The following AGBL4 variants were observed in gnomAD, a reference collection of about 807,000 sequenced individuals.
The protein encoded by AGBL4 is cytosolic carboxypeptidase 6.
A neutral mutation model predicts 66.4 loss-of-function variants in AGBL4; 58 were observed. The ratio of observed to expected loss-of-function variants is 0.87; its 90% CI spans 0.71 to 1.09. The LOEUF is 1.09. Ranked by LOEUF, AGBL4 falls within the 50% of genes least tolerant of loss-of-function variation. The pLI is 0.00. For missense variants in AGBL4, 579 were observed against 631.0 expected (o/e 0.92, Z 0.88); for synonymous variants, 234 against 222.9 (o/e 1.05, Z -0.44).
At chr1:49,952,603 T>A (rs1376612864) in intron 1 of AGBL4, among the ~76,000 whole-genome samples, 4 of 151,908 alleles carry the variant, frequency 2.6e-5, no homozygotes, top group African/African-American at 9.7e-5. Context: ...CACCTCTGAC[T>A]CCAAAGCTCA....
intron 3 of AGBL4, among the ~76,000 whole-genome samples, chr1:49,398,073 G>T (rs1044596875): frequency 1.3e-5 from 2 of 152,156 alleles, no homozygotes; most frequent in African/African-American, 2.4e-5. Context: ...ACCAAAACCT[G>T]CTCTTCCTCA....
chr1:48,969,567 TC>T (rs1432844085), intron 5 of AGBL4, among the ~76,000 whole-genome samples: 2 of 151,740 alleles, frequency 1.3e-5, no homozygotes, highest in Admixed American at 1.3e-4. Flanking sequence ...ACTAAAGTGT[TC>T]CACTGTTAGT....
At chr1:48,772,502 G>C (rs962479944) in intron 6 of AGBL4, among the ~76,000 whole-genome samples, 2 of 152,156 alleles carry the variant, frequency 1.3e-5, no homozygotes, top group African/African-American at 2.4e-5. Context: ...GTTCACAGAA[G>C]AGTAAAAAAT....
intron 2 of AGBL4, among the ~76,000 whole-genome samples, chr1:49,812,232 G>A (rs542562523): frequency 6.6e-6 from 1 of 152,272 alleles, no homozygotes; most frequent in South Asian, 2.1e-4. Flanking sequence ...CTCTGGCTTA[G>A]TGCTAAAATT....
At chr1:48,572,077 AG>A (rs1644573856) in intron 11 of AGBL4, among the ~76,000 whole-genome samples, 1 of 152,160 alleles carries the variant, frequency 6.6e-6, no homozygotes, top group African/African-American at 2.4e-5. Flanking sequence ...GGGAAAGTGA[AG>A]GAGGGAGAGA....
chr1:49,756,601 A>G (rs1397862576), intron 2 of AGBL4, among the ~76,000 whole-genome samples: 6 of 152,182 alleles, frequency 3.9e-5, no homozygotes, highest in African/African-American at 1.4e-4. Context: ...AGTTCCCATA[A>G]TCCCCACATG....
At chr1:49,369,369 T>C (rs1372433583) in intron 3 of AGBL4, among the ~76,000 whole-genome samples, 2 of 152,148 alleles carry the variant, frequency 1.3e-5, no homozygotes, top group African/African-American at 4.8e-5. Context: ...CCAAACAGTG[T>C]AACAGGGAAT....
chr1:49,141,084 T>C (rs983623019), intron 4 of AGBL4, among the ~76,000 whole-genome samples: 2 of 152,176 alleles, frequency 1.3e-5, no homozygotes, highest in African/African-American at 2.4e-5. Context: ...GGAACATTAA[T>C]TGGTACTAAA....
rs571888716 is a variant in AGBL4 at position 48,950,241 on chromosome 1, C to T, written c.595-83011G>A. On this transcript the variant is annotated intron_variant, in intron 5 of 13. Coordinates refer to ENST00000371839, the MANE Select transcript of AGBL4 (RefSeq NM_032785.4). ...TCTCCTGAGTAGCTGGGGTTACAGG[C>T]GTGTGCCACCACACCTGGCTAACTT... is the stretch of plus-strand genomic sequence containing the variant. 5.3e-5 allele frequency among the ~76,000 whole-genome samples: 8 copies of T among 152,192 alleles called. No individual in the cohort carries two copies. The East Asian group carries it at 7.8e-4, about 15-fold the overall frequency.
intron 3 of AGBL4, among the ~76,000 whole-genome samples, chr1:49,368,747 A>T (rs1644286913): frequency 6.6e-6 from 1 of 152,188 alleles, no homozygotes; most frequent in Non-Finnish European, 1.5e-5. Flanking sequence ...TTTCACAGGT[A>T]GTATTATATT....
At chr1:49,398,334 TC>T (rs1645014865) in intron 3 of AGBL4, among the ~76,000 whole-genome samples, 1 of 8,526 alleles carries the variant, frequency 1.2e-4, no homozygotes, top group East Asian at 7.0e-4. Flanking sequence ...TCTCTCTCTT[TC>T]TCTCTCTCTC....
At chr1:49,833,778 G>T (rs914384667) in intron 2 of AGBL4, among the ~76,000 whole-genome samples, 3 of 152,116 alleles carry the variant, frequency 2.0e-5, no homozygotes, top group African/African-American at 7.2e-5. Context: ...GTTCACTCAT[G>T]ATTTGGCTCT....
chr1:49,163,531 C>G (rs1646577083), intron 4 of AGBL4, among the ~76,000 whole-genome samples: 1 of 152,210 alleles, frequency 6.6e-6, no homozygotes, highest in Non-Finnish European at 1.5e-5. Flanking sequence ...AATATCTTGT[C>G]TCTTTTGCTG....
At chr1:49,419,034 G>T (rs1335584342) in intron 3 of AGBL4, among the ~76,000 whole-genome samples, 1 of 152,078 alleles carries the variant, frequency 6.6e-6, no homozygotes, top group Non-Finnish European at 1.5e-5. Context: ...AATTAGGAAG[G>T]GAAAGGATGG....
At chr1:48,604,330 G>A (rs1307423908) in intron 9 of AGBL4, among the ~76,000 whole-genome samples, 1 of 152,114 alleles carries the variant, frequency 6.6e-6, no homozygotes, top group Non-Finnish European at 1.5e-5. Context: ...CATCTTATAA[G>A]TTTGAGCTGT....
chr1:49,823,778 A>ATGTGTGTGTGTGTGTGTGTGTGTG (rs10528873), intron 2 of AGBL4, among the ~76,000 whole-genome samples: 6 of 147,580 alleles, frequency 4.1e-5, no homozygotes, highest in African/African-American at 1.0e-4. Context: ...AGGCTGCATA[A>ATGTGTGTGTGTGTGTGTGTGTGTG]TGTGTGTGTG....
In AGBL4 at chr1:49,285,491, G is replaced by C. The variant is rs187235133; in HGVS notation, c.283-39627C>G. On this transcript the variant is annotated intron_variant, in intron 3 of 13. Transcript: ENST00000371839. Reference sequence around the variant, plus strand: ...AAAGCAAGAGCAAACACATTCAAAAGCTAGCAGAAGGCAAGAAATAACTAA... The same window carrying C: ...AAAGCAAGAGCAAACACATTCAAAACCTAGCAGAAGGCAAGAAATAACTAA... Among the ~76,000 whole-genome samples the C allele has an allele frequency of 4.7e-4, 71 of 152,128 alleles. 1 individual carries two copies. The highest frequency in any genetic ancestry group is 1.5e-3 in the African/African-American group (63 of 41,530).
At chr1:48,652,118 C>T (rs1645940240) in intron 8 of AGBL4, among the ~76,000 whole-genome samples, 1 of 152,256 alleles carries the variant, frequency 6.6e-6, no homozygotes, top group East Asian at 1.9e-4. Flanking sequence ...GGGAGGATCG[C>T]TTGAATCCAG....
chr1:48,615,591 G>A (rs1645305566), intron 9 of AGBL4, among the ~76,000 whole-genome samples: 1 of 152,148 alleles, frequency 6.6e-6, no homozygotes, highest in Non-Finnish European at 1.5e-5. Flanking sequence ...AAATTTCCAG[G>A]TAAGAAAATG....
Sources: allele counts gnomAD v4.1 joint callset (sites outside exome capture counted in the v4.1 genomes callset), GRCh38; gene constraint gnomAD v4.1.1; transcripts MANE v1.5; gene names NCBI Gene and HGNC (gene_info 2026-07-23, HGNC 2026-07-21).